The following RIF1 variants were observed in gnomAD, a reference collection of about 807,000 sequenced individuals.
RIF1 encodes telomere-associated protein RIF1.
In RIF1, 45 loss-of-function variants were observed where a neutral mutation model predicts 247.1. The ratio of observed to expected loss-of-function variants is 0.18; its 90% confidence interval spans 0.14 to 0.23. The LOEUF is 0.23. Among genes scored for constraint, RIF1 ranks in the 10% least tolerant of loss-of-function variants. The pLI, the probability that RIF1 is intolerant of heterozygous loss-of-function variation, is 1.00. For missense variants in RIF1, 2,967 were observed against 2,862.5 expected (o/e 1.04, Z -0.83); for synonymous variants, 1,087 against 978.8 (o/e 1.11, Z -2.06).
chr2:151,459,882 T>C, intron 25 of RIF1, 118 bp from the exon 26 acceptor site: 2 of 840,688 alleles, frequency 2.4e-6, no homozygotes, highest in South Asian at 3.6e-5. Context: ...ATTGAATAAT[T>C]AGAAAAATTT....
rs1696587026 is a variant in RIF1, at chr2:151,464,200, A to G, written c.4680A>G (p.Lys1560=). The G allele has an allele frequency of 1.2e-6, 2 of 1,611,634 alleles. No individual in the cohort carries two copies. The highest frequency in any genetic ancestry group is 1.1e-5 in the South Asian group (1 of 90,572). Residue 1560 remains lysine, a synonymous_variant, in exon 30 of 36, where the codon AAA becomes AAG. Coordinates refer to ENST00000444746, the MANE Select transcript of RIF1 (RefSeq NM_018151.5). ...ENSESDSSEA[K]EEGSRKKRSG... ...CAGAATCTGATAGTTCGGAGGCAAA[A>G]GAAGAAGGTTCTAGGAAGAAGAGAT...
In RIF1 at chr2:151,464,529, C is replaced by G. The variant is rs766781075; in HGVS notation, c.5009C>G (p.Pro1670Arg). Residue 1670 changes from proline to arginine, a missense_variant, in exon 30 of 36, where the codon CCA becomes CGA. Around this residue, in one of 7 missense-constraint regions of RIF1, gnomAD observed 2,028 missense variants for 1,825.6 expected, o/e 1.11. Coordinates refer to ENST00000444746, the MANE Select transcript of RIF1 (RefSeq NM_018151.5). Reference sequence around the variant, plus strand: ...TATTCCTTTACAAGTCTACCTGTGCCAGAATCAAATCTAAGGACTAGAAAT... The same window carrying G: ...TATTCCTTTACAAGTCTACCTGTGCGAGAATCAAATCTAAGGACTAGAAAT... Reference protein sequence around the residue: ...AEYSFTSLPVPESNLRTRNAI... With the variant: ...AEYSFTSLPVRESNLRTRNAI... 7 of 1,611,716 alleles carry G rather than the reference C, an allele frequency of 4.3e-6. No homozygotes were observed.
chr2:151,415,587 G>GAAAAAAAAA (rs1687074698), intron 4 of RIF1, among the ~76,000 whole-genome samples: 1 of 9,992 alleles, frequency 1.0e-4, no homozygotes, highest in East Asian at 7.2e-3. Flanking sequence ...AAAAAAAAAG[G>GAAAAAAAAA]ATATTGCTGG....
chr2:151,450,526 T>C lies in RIF1; in HGVS notation c.2245-1080T>C, dbSNP rs1444033301. On this transcript the variant is annotated intron_variant, in intron 20 of 35. Coordinates refer to ENST00000444746, the MANE Select transcript of RIF1 (RefSeq NM_018151.5). Reference sequence around the variant, plus strand: ...TCTTAAATTCTACTAGCTTGAAATTTATTACACCTTCTTGAAAATTTGTGT... The same window carrying C: ...TCTTAAATTCTACTAGCTTGAAATTCATTACACCTTCTTGAAAATTTGTGT... 2.0e-5 allele frequency among the ~76,000 whole-genome samples: 3 copies of C among 152,190 alleles called. No homozygotes were observed. In the East Asian group the frequency reaches 5.8e-4, roughly 29 times the overall value.
the RIF1 span, chr2:151,524,636 GT>G: frequency 4.7e-6 from 2 of 426,162 alleles, no homozygotes; most frequent in Non-Finnish European, 9.0e-6. Flanking sequence ...GGAAGAAAAT[GT>G]TTACTCAAGA....
chr2:151,476,918 C>G lies in RIF1; in HGVS notation c.*1847C>G, dbSNP rs969109474. 1 of 152,164 alleles carries G rather than the reference C, an allele frequency of 6.6e-6. No homozygotes were observed. The highest frequency in any genetic ancestry group is 1.5e-5 in the Non-Finnish European group (1 of 68,030). The allele number at this position is 152,164 out of a possible 1,614,324, so 9.4% of individuals were successfully genotyped here. A position where few individuals can be genotyped will look rare whatever the true frequency, so the allele number is the denominator to read the frequency against. ...ATTAAAATCAGTTCGTTTCATGACT[C>G]TGTGCCTTAACGTTTGTGTGAACTA... On this transcript the variant is annotated 3_prime_UTR_variant, in exon 36 of 36. Transcript: ENST00000444746.
At chr2:151,452,131 G>T (rs1189400560) in intron 21 of RIF1, among the ~76,000 whole-genome samples, 2 of 152,112 alleles carry the variant, frequency 1.3e-5, no homozygotes, top group Non-Finnish European at 2.9e-5. Context: ...AAAACAATGG[G>T]ATCAGTTAAT....
chr2:151,446,569 C>T lies in RIF1; in HGVS notation c.2238C>T (p.Gly746=). 1 of 1,612,062 alleles carries T rather than the reference C, an allele frequency of 6.2e-7. No homozygotes were observed. The highest frequency in any genetic ancestry group is 8.5e-7 in the Non-Finnish European group (1 of 1,179,624). ...TAATGTCCAGTTTGGAAGATGAAGGCTTTTCTGTGAGTTTGTCCTGATGCT... is the reference window on the plus strand; with the variant it reads ...TAATGTCCAGTTTGGAAGATGAAGGTTTTTCTGTGAGTTTGTCCTGATGCT... ...SKIMSSLEDE[G]FSNLLFVDRI... Residue 746 remains glycine (G), a synonymous_variant, in exon 20 of 36, where the codon GGC becomes GGT. Transcript: ENST00000444746.
At chr2:151,513,631 A>G in the RIF1 span, 5 of 1,610,458 alleles carry the variant, frequency 3.1e-6, no homozygotes, top group Admixed American at 1.7e-5. Flanking sequence ...CCGGAGTTTC[A>G]TTGGCCATGG....
intron 30 of RIF1, 69 bp downstream of exon 30, chr2:151,466,189 C>T: frequency 1.2e-6 from 1 of 836,026 alleles, no homozygotes; most frequent in Non-Finnish European, 1.9e-6. Flanking sequence ...ATACAGTGAC[C>T]TCTGGTGAAT....
At chr2:151,414,181 G>A (rs959882397) in intron 3 of RIF1, among the ~76,000 whole-genome samples, 2 of 151,834 alleles carry the variant, frequency 1.3e-5, no homozygotes, top group African/African-American at 2.4e-5. Flanking sequence ...ATGGTGGCGC[G>A]CGCCTGTCAT....
intron 20 of RIF1, 136 bp downstream of exon 20, chr2:151,446,711 A>G (rs1223224260): frequency 2.3e-6 from 2 of 883,798 alleles, no homozygotes; most frequent in African/African-American, 1.7e-5. Context: ...GCAAACAAGT[A>G]TGCTTTGTGT....
the RIF1 span, among the ~76,000 whole-genome samples, chr2:151,524,075 A>T: frequency 1.3e-5 from 2 of 152,198 alleles, no homozygotes; most frequent in African/African-American, 4.8e-5. Context: ...ATAGTTAAGC[A>T]CACAGACACC....
At chr2:151,457,345 A>G (rs1025135352) in intron 23 of RIF1, among the ~76,000 whole-genome samples, 2 of 152,108 alleles carry the variant, frequency 1.3e-5, no homozygotes, top group African/African-American at 4.8e-5. Context: ...CTCGTCTCAA[A>G]TTCCTGAGCT....
At chr2:151,436,652 G>C (rs1691275959) in intron 11 of RIF1, among the ~76,000 whole-genome samples, 175 bp from the exon 12 acceptor site, 1 of 151,898 alleles carries the variant, frequency 6.6e-6, no homozygotes, top group South Asian at 2.1e-4. Context: ...TTTGCCATCT[G>C]AGTCTTCAAA....
the RIF1 span, among the ~76,000 whole-genome samples, chr2:151,532,731 G>A: frequency 1.6e-5 from 2 of 124,762 alleles, no homozygotes; most frequent in Non-Finnish European, 3.4e-5. Flanking sequence ...GTTGCTAAGA[G>A]GAAAGCTCAA....
At chr2:151,432,002 A>G (rs949397714) in intron 9 of RIF1, among the ~76,000 whole-genome samples, 1 of 151,972 alleles carries the variant, frequency 6.6e-6, no homozygotes, top group Non-Finnish European at 1.5e-5. Flanking sequence ...AATCCTTTTC[A>G]AGTTATTTAT....
the RIF1 span, chr2:151,534,073 GTGGCTAGACAGA>G: frequency 1.6e-6 from 1 of 639,080 alleles, no homozygotes. Context: ...GGCTTTTTGG[GTGGCTAGACAGA>G]TACTTTGAAA....
At chr2:151,428,613 T>TAG (rs1689527505) in intron 8 of RIF1, among the ~76,000 whole-genome samples, 171 bp from the exon 9 acceptor site, 1 of 152,232 alleles carries the variant, frequency 6.6e-6, no homozygotes, top group Non-Finnish European at 1.5e-5. Flanking sequence ...ACTTTTAACA[T>TAG]ATCTAACATT....
Sources: allele counts gnomAD v4.1 joint callset (sites outside exome capture counted in the v4.1 genomes callset), GRCh38; gene constraint gnomAD v4.1.1; regional missense constraint gnomAD v4.1.1; transcripts MANE v1.5; gene names NCBI Gene and HGNC (gene_info 2026-07-23, HGNC 2026-07-21).